Variants in ZNF185 observed in about 807,000 individuals in gnomAD.
ZNF185 encodes zinc finger protein 185.
In ZNF185, 56 loss-of-function variants were observed where a neutral mutation model predicts 58.6. The ratio of observed to expected loss-of-function variants is 0.95; its 90% CI spans 0.77 to 1.19. The LOEUF is 1.19. Ranked by LOEUF, ZNF185 falls within the 50% of genes most tolerant of loss-of-function variation. ZNF185 has a pLI of 0.00. For missense variants in ZNF185, 627 were observed against 573.5 expected (o/e 1.09, Z -0.95); for synonymous variants, 230 against 215.9 (o/e 1.07, Z -0.57).
At chrX:152,961,061 C>T (rs954858007) in intron 17 of ZNF185, among the ~76,000 whole-genome samples, 1 of 111,947 alleles carries the variant, frequency 8.9e-6, no homozygotes, top group Non-Finnish European at 1.9e-5. Context: ...TATTTTGTGG[C>T]GATCGTCCTG....
intron 12 of ZNF185, among the ~76,000 whole-genome samples, chrX:152,929,223 G>A (rs2089035542): frequency 9.1e-6 from 1 of 110,450 alleles, no homozygotes; most frequent in South Asian, 3.8e-4. Flanking sequence ...GCTGGGGAGG[G>A]GTGGGTCAAG....
intron 16 of ZNF185, among the ~76,000 whole-genome samples, chrX:152,953,519 G>T (rs1173115069): frequency 3.6e-5 from 4 of 111,008 alleles, no homozygotes; most frequent in Non-Finnish European, 7.6e-5. Context: ...AACATAGCGA[G>T]ACTCCTATAT....
intron 2 of ZNF185, 131 bp downstream of exon 3, chrX:152,914,964 G>A (rs1480003317): frequency 3.0e-6 from 3 of 1,009,666 alleles, no homozygotes; most frequent in Non-Finnish European, 2.7e-6. Flanking sequence ...AGGGCAGAGC[G>A]TGGGAAAGGC....
upstream of ZNF185, chrX:152,914,369 T>C: frequency 1.5e-6 from 1 of 646,511 alleles, no homozygotes. Flanking sequence ...GATCTTGGTG[T>C]ACCAGGACCC....
chrX:152,942,773 C>T (rs2047370027), intron 15 of ZNF185, among the ~76,000 whole-genome samples: 1 of 111,410 alleles, frequency 9.0e-6, no homozygotes, highest in South Asian at 3.7e-4. Context: ...TTCCTCACCA[C>T]TGGCAACCGT....
intron 15 of ZNF185, among the ~76,000 whole-genome samples, chrX:152,944,537 G>C (rs974374679): frequency 8.9e-6 from 1 of 112,413 alleles, no homozygotes; most frequent in Non-Finnish European, 1.9e-5. Context: ...GGTGATGGGA[G>C]GGGTGTGGAA....
At chrX:152,920,628 A>ACCCTCTGAGGGTCCTGGGC (rs1939512152) in intron 8 of ZNF185, 79 bp from the exon 10 acceptor site, 3 of 1,146,860 alleles carry the variant, frequency 2.6e-6, no homozygotes, top group Admixed American at 4.4e-5. Flanking sequence ...AGGGCCCAGG[A>ACCCTCTGAGGGTCCTGGGC]CCCTCTGAGG....
chrX:152,947,172 G>C (rs191899444), intron 16 of ZNF185, among the ~76,000 whole-genome samples: 17 of 111,772 alleles, frequency 1.5e-4, no homozygotes, highest in African/African-American at 5.5e-4. Flanking sequence ...CTTGAGCCCA[G>C]GAGTTTGAGA....
Position 152,945,468 on chromosome X carries a change from A to G in ZNF185, c.1409+4A>G, listed in dbSNP as rs782455388. On this transcript the variant is annotated splice_donor_region_variant and intron_variant, in intron 16 of 22. Coordinates refer to ENST00000449285, the Ensembl canonical transcript of ZNF185. ...GACGAGAGAGTTGTGGCAGCAGGTA[A>G]GGGCTGAGCTGCAGTGGGCTCTGCC... The G allele has an allele frequency of 2.5e-6, 3 of 1,191,629 alleles. No homozygotes were observed. In the African/African-American group the frequency reaches 5.3e-5, roughly 21 times the overall value.
chrX:152,903,912 C>T, the ZNF185 span, among the ~76,000 whole-genome samples: 1 of 111,361 alleles, frequency 9.0e-6, no homozygotes, highest in Non-Finnish European at 1.9e-5. Flanking sequence ...CTCCCAGGGC[C>T]CCTCCAGTGC....
chrX:152,947,520 G>A (rs143297772), intron 16 of ZNF185, among the ~76,000 whole-genome samples: 17 of 112,253 alleles, frequency 1.5e-4, no homozygotes, highest in African/African-American at 5.5e-4. Context: ...GGGCAGGCCC[G>A]CTGAGAGATG....
chrX:152,924,816 C>T (rs1436439302), intron 11 of ZNF185, among the ~76,000 whole-genome samples: 4 of 112,075 alleles, frequency 3.6e-5, no homozygotes, highest in Non-Finnish European at 7.5e-5. Flanking sequence ...TCCCGAGTAG[C>T]TGGGATTACA....
chrX:152,940,834 A>G (rs782774521), intron 15 of ZNF185, among the ~76,000 whole-genome samples: 35 of 112,353 alleles, frequency 3.1e-4, no homozygotes, highest in Non-Finnish European at 4.7e-4. Flanking sequence ...ATGCTATACT[A>G]GAGTCAGGTT....
At chrX:152,914,594 C>A in intron 1 of ZNF185, 71 bp downstream of exon 2, 1 of 1,153,604 alleles carries the variant, frequency 8.7e-7, no homozygotes, top group Non-Finnish European at 1.2e-6. Context: ...CCCCTACAGG[C>A]CACAAGCACT....
At chrX:152,955,699 C>T (rs969564408) in intron 16 of ZNF185, among the ~76,000 whole-genome samples, 1 of 111,013 alleles carries the variant, frequency 9.0e-6, no homozygotes, top group African/African-American at 3.3e-5. Context: ...CTCAGGAGAT[C>T]GAGACCATCA....
At chrX:152,917,482 C>T (rs2125306714) in intron 5 of ZNF185, 120 bp downstream of exon 6, 1 of 896,221 alleles carries the variant, frequency 1.1e-6, no homozygotes, top group Admixed American at 2.6e-5. Flanking sequence ...TGCCAGCTTT[C>T]ATCCTGGGTA....
chrX:152,942,073 C>T (rs970501724), intron 15 of ZNF185, among the ~76,000 whole-genome samples: 7 of 103,775 alleles, frequency 6.7e-5, no homozygotes, highest in Non-Finnish European at 1.4e-4. Context: ...ACGCTGGGCC[C>T]TCGGGCTGAC....
intron 16 of ZNF185, among the ~76,000 whole-genome samples, chrX:152,954,541 G>A (rs914248073): frequency 8.9e-6 from 1 of 112,343 alleles, no homozygotes; most frequent in Non-Finnish European, 1.9e-5. Flanking sequence ...ATGTAGTTCC[G>A]TGAGGTAGCC....
chrX:152,918,126 A>G (rs1938898467), exon 6 of ZNF185: 1 of 1,195,130 alleles, frequency 8.4e-7, no homozygotes, highest in Non-Finnish European at 1.1e-6. Context: ...CTCTGGCTAC[A>G]AGATGACCAC....
Sources: allele counts gnomAD v4.1 joint callset (sites outside exome capture counted in the v4.1 genomes callset), GRCh38; gene constraint gnomAD v4.1.1; transcripts MANE v1.5; gene names NCBI Gene and HGNC (gene_info 2026-07-23, HGNC 2026-07-21).